PRUNE2: variants seen among roughly 807,000 people sequenced by gnomAD.
The protein encoded by PRUNE2 is prune homolog 2 with BCH domain.
In PRUNE2, 164 loss-of-function variants were observed where a neutral mutation model predicts 252.0. The observed-to-expected ratio is 0.65, with a 90% CI of 0.57 to 0.74. The LOEUF is 0.74. Among genes scored for constraint, PRUNE2 ranks in the 30% least tolerant of loss-of-function variants. The probability of loss-of-function intolerance (pLI) is 0.00; values close to 1 mark genes in which losing one functional copy is unlikely to be tolerated. For missense variants in PRUNE2, 3,495 were observed against 3,711.0 expected (o/e 0.94, Z 1.51); for synonymous variants, 1,292 against 1,350.2 (o/e 0.96, Z 0.94).
intron 6 of PRUNE2, among the ~76,000 whole-genome samples, chr9:76,766,546 T>G (rs979362435): frequency 2.0e-5 from 3 of 152,346 alleles, no homozygotes; most frequent in Admixed American, 6.5e-5. Flanking sequence ...AACTGGATCA[T>G]GTTCATGGAT....
chr9:76,803,542 G>A (rs1487282174), intron 6 of PRUNE2, among the ~76,000 whole-genome samples: 6 of 152,034 alleles, frequency 3.9e-5, no homozygotes, highest in African/African-American at 1.4e-4. Context: ...GTTCACAATA[G>A]GAGTCTCAAT....
At position 76,728,334 on chromosome 9, in the gene PRUNE2, G is replaced by A. The variant is rs541008019; in HGVS notation, c.757-14613C>T. Among the ~76,000 whole-genome samples, 10 of 151,706 alleles carry A rather than the reference G, an allele frequency of 6.6e-5. No homozygotes were observed. The South Asian group carries it at 1.9e-3, about 28-fold the overall frequency. The stretch of plus-strand genomic sequence containing the variant: ...CATTCTCAACCCCGGCTATACCTAA[G>A]AATAGCCCAGGGAGCTGTTAAAAAA... On this transcript the variant is annotated intron_variant, in intron 6 of 18. Transcript: ENST00000376718.
chr9:76,643,003 C>T (rs1463290898), intron 12 of PRUNE2, among the ~76,000 whole-genome samples: 1 of 152,200 alleles, frequency 6.6e-6, no homozygotes, highest in South Asian at 2.1e-4. Flanking sequence ...GAGCAAATGG[C>T]AAAGGGAGGA....
At chr9:76,667,483 A>G (rs1413352469) in intron 9 of PRUNE2, among the ~76,000 whole-genome samples, 1 of 152,120 alleles carries the variant, frequency 6.6e-6, no homozygotes, top group Non-Finnish European at 1.5e-5. Context: ...CTTTGGGAAG[A>G]CTGCCTGCCT....
chr9:76,872,212 C>T (rs1236432943), intron 1 of PRUNE2, among the ~76,000 whole-genome samples: 1 of 152,170 alleles, frequency 6.6e-6, no homozygotes, highest in Admixed American at 6.5e-5. Context: ...CATTCAAACC[C>T]TCCCCACCGC....
At chr9:76,731,736 T>C (rs567449778) in intron 6 of PRUNE2, among the ~76,000 whole-genome samples, 2 of 152,212 alleles carry the variant, frequency 1.3e-5, no homozygotes, top group Non-Finnish European at 2.9e-5. Flanking sequence ...GTACACTTAT[T>C]ATTTAGAAAA....
At chr9:76,619,702 G>T (rs549939333) in intron 17 of PRUNE2, among the ~76,000 whole-genome samples, 3 of 152,166 alleles carry the variant, frequency 2.0e-5, no homozygotes, top group South Asian at 4.1e-4. Context: ...AAATTGTTTT[G>T]GTACCCCAAA....
intron 15 of PRUNE2, among the ~76,000 whole-genome samples, chr9:76,632,885 CTA>C (rs1244001908): frequency 3.3e-5 from 5 of 152,124 alleles, no homozygotes; most frequent in Non-Finnish European, 7.4e-5. Flanking sequence ...AGGATGATTT[CTA>C]TGTTTTTTAA....
rs768040536 is a variant in PRUNE2 at position 76,708,372 on chromosome 9, G to A, written c.3902C>T (p.Ala1301Val). ...ETLQSDAASLATRLENPGYFP... is the reference protein window; with the variant it reads ...ETLQSDAASLVTRLENPGYFP... ...ATACCCTGGATTCTCAAGCCTAGTC[G>A]CCAAGGATGCTGCATCACTTTGCAG... is the stretch of plus-strand genomic sequence containing the variant. Residue 1301 changes from alanine to valine, a missense_variant, in exon 8 of 19, where the codon GCG becomes GTG. Transcript: ENST00000376718. 38 of 1,613,592 alleles carry A rather than the reference G, an allele frequency of 2.4e-5. No homozygotes were observed. The highest frequency in any genetic ancestry group is 1.9e-4 in the South Asian group (17 of 91,068).
intron 6 of PRUNE2, among the ~76,000 whole-genome samples, chr9:76,728,330 C>T (rs936026007): frequency 1.3e-5 from 2 of 151,738 alleles, no homozygotes; most frequent in African/African-American, 2.4e-5. Flanking sequence ...CCGGCTATAC[C>T]TAAGAATAGC....
intron 6 of PRUNE2, among the ~76,000 whole-genome samples, chr9:76,720,143 T>C (rs2047504147): frequency 1.8e-5 from 1 of 56,222 alleles, no homozygotes; most frequent in South Asian, 5.9e-4. Flanking sequence ...TATCAAAGAA[T>C]ACTTAATGAC....
intron 6 of PRUNE2, among the ~76,000 whole-genome samples, chr9:76,789,761 T>C (rs1372163198): frequency 1.3e-5 from 2 of 152,074 alleles, no homozygotes; most frequent in Admixed American, 1.3e-4. Flanking sequence ...GCCTCTCCTC[T>C]CTCCTCTCAC....
chr9:76,810,622 G>C (rs1278123083), intron 6 of PRUNE2, among the ~76,000 whole-genome samples: 11 of 152,132 alleles, frequency 7.2e-5, no homozygotes, highest in Non-Finnish European at 1.6e-4. Context: ...TGTCAATTAA[G>C]CAACAGTAAA....
At chr9:76,897,081 G>C (rs1409057543) in intron 1 of PRUNE2, among the ~76,000 whole-genome samples, 1 of 152,146 alleles carries the variant, frequency 6.6e-6, no homozygotes, top group Non-Finnish European at 1.5e-5. Context: ...TCTCATAGCA[G>C]GATTTCAGTA....
intron 14 of PRUNE2, 128 bp downstream of exon 14, chr9:76,637,290 T>C (rs1840582739): frequency 1.1e-6 from 1 of 914,440 alleles, no homozygotes; most frequent in Non-Finnish European, 1.7e-6. Context: ...ACTTAGACAA[T>C]TTATTTGATC....
Position 76,645,368 on chromosome 9 carries a change from C to T in PRUNE2, c.8558-459G>A, listed in dbSNP as rs368679890. ...TCTTTTGGGGCCCTCAGCTTGGAAT[C>T]GTGATGATACTACAAGCCAAGACTC... On this transcript the variant is annotated intron_variant, in intron 11 of 18. Coordinates refer to ENST00000376718, the MANE Select transcript of PRUNE2 (RefSeq NM_015225.3). Among the ~76,000 whole-genome samples, 17 of 152,258 alleles carry T rather than the reference C, an allele frequency of 1.1e-4. No homozygotes were observed. In the South Asian group the frequency reaches 1.9e-3, roughly 17 times the overall value.
chr9:76,649,631 T>C (rs1846502269), intron 11 of PRUNE2, among the ~76,000 whole-genome samples: 1 of 151,858 alleles, frequency 6.6e-6, no homozygotes, highest in African/African-American at 2.4e-5. Flanking sequence ...GATAGATAGA[T>C]AGATAGATAG....
rs977954231 is a variant in PRUNE2 at position 76,826,666 on chromosome 9, A to G, written c.575T>C (p.Leu192Pro). ...AGGAAATTTTTCTTCCAGGATAGAA[A>G]GAATTTCCTCCTGCTTCTCTGAGAT... is the stretch of plus-strand genomic sequence containing the variant. ...EKISEKQEEI[L>P]SILEEKFPNL... The change falls in exon 5 of 19, where the codon CTT becomes CCT. Residue 192 changes from leucine to proline, a missense_variant. Physicochemically the swap from Leu to Pro is moderately conservative, Grantham distance 98. Transcript: ENST00000376718. 6.2e-6 allele frequency: 10 copies of G among 1,612,736 alleles called. No homozygotes were observed. The East Asian group carries it at 2.0e-4, about 32-fold the overall frequency.
intron 5 of PRUNE2, 24 bp from the exon 6 acceptor site, chr9:76,823,750 CATT>C (rs776876766): frequency 1.3e-5 from 18 of 1,381,236 alleles, no homozygotes; most frequent in East Asian, 2.3e-5. Flanking sequence ...GAAAAAAAAA[CATT>C]ATGTTATACT....
Sources: gnomAD v4.1 joint callset for allele counts (sites outside exome capture counted in the v4.1 genomes callset) on GRCh38, gnomAD v4.1.1 for gene constraint, MANE v1.5 for transcripts, NCBI Gene and HGNC (gene_info 2026-07-23, HGNC 2026-07-21) for gene names.